The following THSD7B variants were observed in gnomAD, a reference collection of about 807,000 sequenced individuals.
THSD7B encodes thrombospondin type 1 domain containing 7B.
A neutral mutation model predicts 213.6 loss-of-function variants in THSD7B; 138 were observed. The observed-to-expected ratio is 0.65, with a 90% confidence interval of 0.56 to 0.74. The LOEUF is 0.74. Ranked by LOEUF, THSD7B falls within the 30% of genes least tolerant of loss-of-function variation. The probability of loss-of-function intolerance (pLI) is 0.00; values close to 1 mark genes in which losing one functional copy is unlikely to be tolerated. For missense variants in THSD7B, 1,931 were observed against 1,991.5 expected (o/e 0.97, Z 0.58); for synonymous variants, 742 against 687.0 (o/e 1.08, Z -1.25).
chr2:137,257,338 C>T (rs1682334934), intron 10 of THSD7B, among the ~76,000 whole-genome samples: 1 of 152,202 alleles, frequency 6.6e-6, no homozygotes, highest in South Asian at 2.1e-4. Context: ...TATGCAAACA[C>T]TCTTCCCTGC....
intron 7 of THSD7B, among the ~76,000 whole-genome samples, chr2:137,221,901 G>T (rs1427564499): frequency 6.6e-6 from 1 of 152,280 alleles, no homozygotes; most frequent in Admixed American, 6.5e-5. Flanking sequence ...ACTTTGTAAA[G>T]GTATACCTCA....
chr2:136,957,701 G>T (rs1685151107), intron 2 of THSD7B, among the ~76,000 whole-genome samples: 1 of 152,122 alleles, frequency 6.6e-6, no homozygotes. Flanking sequence ...TCACATTGTG[G>T]ATAAATGTGA....
intron 3 of THSD7B, among the ~76,000 whole-genome samples, chr2:137,089,041 A>G (rs1687895860): frequency 6.6e-6 from 1 of 152,164 alleles, no homozygotes; most frequent in African/African-American, 2.4e-5. Context: ...AACTAGTGTA[A>G]CCACTATGAA....
intron 1 of THSD7B, among the ~76,000 whole-genome samples, chr2:136,827,821 T>C (rs1558818307): frequency 6.6e-6 from 1 of 151,926 alleles, no homozygotes; most frequent in East Asian, 1.9e-4. Context: ...GAGAGAAATA[T>C]TAAGGAGAAT....
At chr2:137,306,728 T>C (rs1043906423) in intron 12 of THSD7B, among the ~76,000 whole-genome samples, 8 of 152,254 alleles carry the variant, frequency 5.3e-5, no homozygotes, top group African/African-American at 1.9e-4. Context: ...TCTTGAGTTT[T>C]CTGTTTTTGT....
intron 1 of THSD7B, among the ~76,000 whole-genome samples, chr2:136,819,368 AG>A (rs766998657): frequency 1.8e-4 from 28 of 151,986 alleles, no homozygotes; most frequent in Non-Finnish European, 3.2e-4. Flanking sequence ...TCCCTCTATT[AG>A]TGTGTACTGG....
At chr2:137,364,668 G>A (rs896892625) in intron 12 of THSD7B, among the ~76,000 whole-genome samples, 5 of 152,032 alleles carry the variant, frequency 3.3e-5, no homozygotes, top group African/African-American at 9.7e-5. Context: ...AAATCCCTAG[G>A]AATTCAACTT....
At chr2:137,264,900 A>T (rs1436721644) in intron 10 of THSD7B, among the ~76,000 whole-genome samples, 2 of 151,790 alleles carry the variant, frequency 1.3e-5, no homozygotes, top group Non-Finnish European at 2.9e-5. Context: ...ATATGCATAC[A>T]TGTGCCATGC....
At chr2:137,591,413 G>C (rs545831499) in intron 17 of THSD7B, among the ~76,000 whole-genome samples, 2 of 151,942 alleles carry the variant, frequency 1.3e-5, no homozygotes, top group African/African-American at 4.8e-5. Context: ...AGCCCATAAT[G>C]ATATAAATGT....
chr2:136,882,094 ATCTTT>A lies in THSD7B; in HGVS notation c.-35-44_-35-40del. The A allele has an allele frequency of 5.9e-6, 8 of 1,348,164 alleles. No homozygotes were observed. In the South Asian group the frequency reaches 1.5e-4, roughly 26 times the overall value. 83.5% of individuals were successfully genotyped at this position (1,348,164 alleles called of 1,614,324 possible). ...GTTCTAGCAGTCAAAATGAGTTGTT[ATCTTT>A]TCTTTACAGAAGAAACTTACCTGAT... On this transcript the variant is annotated intron_variant, in intron 1 of 27. Transcript: ENST00000409968.
At chr2:137,023,748 T>C (rs545226456) in intron 2 of THSD7B, among the ~76,000 whole-genome samples, 3 of 152,236 alleles carry the variant, frequency 2.0e-5, no homozygotes, top group Non-Finnish European at 2.9e-5. Flanking sequence ...GTCAGGAGCA[T>C]GGGAGATGTG....
intron 2 of THSD7B, among the ~76,000 whole-genome samples, chr2:136,993,820 T>A (rs1685831178): frequency 6.6e-6 from 1 of 150,792 alleles, no homozygotes; most frequent in Non-Finnish European, 1.5e-5. Flanking sequence ...AAAGGTGGGG[T>A]CATGTGTGTC....
chr2:137,563,367 G>T lies in THSD7B; in HGVS notation c.3272+13G>T, dbSNP rs188581930. The T allele has an allele frequency of 6.2e-7, 1 of 1,611,910 alleles. No individual in the cohort carries two copies. Among genetic ancestry groups the T allele is most frequent in the Admixed American group, 1.7e-5 (1 of 59,718 alleles). On this transcript the variant is annotated intron_variant, in intron 16 of 27. Transcript: ENST00000409968. Reference sequence around the variant, plus strand: ...CTAGGAAAATCAGGTGTGTGAAAATGGAGAGATTTGGGAAATAGGGGGAAG... The same window carrying T: ...CTAGGAAAATCAGGTGTGTGAAAATTGAGAGATTTGGGAAATAGGGGGAAG...
intron 14 of THSD7B, among the ~76,000 whole-genome samples, chr2:137,417,427 CATTTT>C (rs897170151): frequency 1.3e-5 from 2 of 151,500 alleles, no homozygotes; most frequent in African/African-American, 4.9e-5. Context: ...CAAAATTAAC[CATTTT>C]ATTTTATTTT....
chr2:136,881,699 C>A (rs947600693), intron 1 of THSD7B, among the ~76,000 whole-genome samples: 4 of 151,898 alleles, frequency 2.6e-5, no homozygotes, highest in Non-Finnish European at 1.5e-5. Context: ...ATAATGTGTA[C>A]CATTAAAGCT....
chr2:137,614,227 T>C (rs148502091), intron 17 of THSD7B, among the ~76,000 whole-genome samples: 1 of 152,312 alleles, frequency 6.6e-6, no homozygotes, highest in Non-Finnish European at 1.5e-5. Context: ...TATACACATA[T>C]GGACTGTGAG....
In THSD7B at chr2:137,665,037, T is replaced by C. The variant is rs558847584; in HGVS notation, c.4651+1462T>C. On this transcript the variant is annotated intron_variant, in intron 26 of 27. Coordinates refer to ENST00000409968, the MANE Select transcript of THSD7B (RefSeq NM_001316349.2). Reference sequence around the variant, plus strand: ...CACAGATCTAACAGGAGAAGCAATATTTATACCCCTCAATCAACTTTTAAG... The same window carrying C: ...CACAGATCTAACAGGAGAAGCAATACTTATACCCCTCAATCAACTTTTAAG... Among the ~76,000 whole-genome samples the C allele has an allele frequency of 5.9e-5, 9 of 152,304 alleles. 1 individual carries two copies. In the South Asian group the frequency reaches 1.9e-3, roughly 32 times the overall value.
chr2:137,588,927 A>G (rs1167455737), intron 17 of THSD7B, among the ~76,000 whole-genome samples: 1 of 151,932 alleles, frequency 6.6e-6, no homozygotes, highest in Non-Finnish European at 1.5e-5. Context: ...TTACAGGTGC[A>G]TGCCACCATG....
chr2:137,341,222 T>C (rs1684754926), intron 12 of THSD7B, among the ~76,000 whole-genome samples: 1 of 151,746 alleles, frequency 6.6e-6, no homozygotes, highest in Non-Finnish European at 1.5e-5. Flanking sequence ...TTTTCATTTA[T>C]ATGTTGGCCA....
Sources: gnomAD v4.1 joint callset for allele counts (sites outside exome capture counted in the v4.1 genomes callset) on GRCh38, gnomAD v4.1.1 for gene constraint, MANE v1.5 for transcripts, NCBI Gene and HGNC (gene_info 2026-07-23, HGNC 2026-07-21) for gene names.